Variants in ZNF705B observed in about 807,000 individuals in gnomAD.
ZNF705B encodes zinc finger protein 705B, also known as Putative zinc finger protein 705D-like protein LOC100132396.
A neutral mutation model predicts 10.5 loss-of-function variants in ZNF705B; 1 was observed. The ratio of observed to expected loss-of-function variants is 0.10; its 90% CI spans 0.03 to 0.45. ZNF705B has a LOEUF of 0.45. Among genes scored for constraint, ZNF705B ranks in the 20% least tolerant of loss-of-function variants. ZNF705B has a pLI of 0.97. For synonymous variants in ZNF705B, 4 were observed against 25.4 expected (o/e 0.16, Z 2.53); for missense variants, 14 against 84.0 (o/e 0.17, Z 3.26).
At chr8:7,928,985 A>G (rs1400807167) in intron 1 of ZNF705B, among the ~76,000 whole-genome samples, 1 of 117,328 alleles carries the variant, frequency 8.5e-6, no homozygotes, top group African/African-American at 2.5e-5. Context: ...CCTATTAGGT[A>G]CAATGTACTC....
intron 2 of ZNF705B, among the ~76,000 whole-genome samples, chr8:7,931,094 C>T (rs1386576533): frequency 8.3e-6 from 1 of 120,056 alleles, no homozygotes; most frequent in African/African-American, 2.5e-5. Context: ...CTCGGGTGAT[C>T]TGCCCCCCTC....
At chr8:7,932,812 A>G (rs1369898845) in intron 2 of ZNF705B, among the ~76,000 whole-genome samples, 1 of 109,034 alleles carries the variant, frequency 9.2e-6, no homozygotes, top group South Asian at 3.5e-4. Context: ...ATACTCTTTC[A>G]ATGACCAAGG....
rs1256996507 is a variant in ZNF705B at position 7,931,087 on chromosome 8, G to T, written c.-72+651G>T. 2.5e-5 allele frequency among the ~76,000 whole-genome samples: 3 copies of T among 119,844 alleles called. 1 individual carries two copies. In the South Asian group the frequency reaches 8.4e-4, roughly 34 times the overall value. 78.6% of individuals were successfully genotyped at this position (119,844 alleles called of 152,430 possible). A position where few individuals can be genotyped will look rare whatever the true frequency, so the allele number is the denominator to read the frequency against. ...AGGCTGGTCTTGAACTCCCGACCTC[G>T]GGTGATCTGCCCCCCTCAGCCTTCC... On this transcript the variant is annotated intron_variant, in intron 2 of 6. Coordinates refer to ENST00000400120, the MANE Select transcript of ZNF705B (RefSeq NM_001193630.1).
At chr8:7,927,588 AT>A (rs11309300) in intron 1 of ZNF705B, among the ~76,000 whole-genome samples, 36,710 of 107,180 alleles carry the variant, frequency 0.34, 6,373 homozygotes, top group South Asian at 0.51. Flanking sequence ...TCTTCCTAAG[AT>A]TTTTTTTTTT....
chr8:7,931,396 G>A (rs4428690), intron 2 of ZNF705B, among the ~76,000 whole-genome samples: 1 of 121,712 alleles, frequency 8.2e-6, no homozygotes, highest in Non-Finnish European at 2.0e-5. Flanking sequence ...CCTATCCTTA[G>A]GCTCTCAGGA....
chr8:7,936,448 G>A lies in ZNF705B; in HGVS notation c.-72+6012G>A, dbSNP rs1820017037. Among the ~76,000 whole-genome samples, 3 of 117,874 alleles carry A rather than the reference G, an allele frequency of 2.5e-5. 1 individual carries two copies. Among genetic ancestry groups the A allele is most frequent in the African/African-American group, 7.7e-5 (3 of 38,830 alleles). 77.3% of individuals were successfully genotyped at this position (117,874 alleles called of 152,430 possible). Reference sequence around the variant, plus strand: ...TATGTTCATCACAGTGGTATTCACAGTAGCAAAGGTATGGAATCAAACTAG... The same window carrying A: ...TATGTTCATCACAGTGGTATTCACAATAGCAAAGGTATGGAATCAAACTAG... On this transcript the variant is annotated intron_variant, in intron 2 of 6. Coordinates refer to ENST00000400120, the MANE Select transcript of ZNF705B (RefSeq NM_001193630.1).
chr8:7,926,846 A>G (rs1253058839), intron 1 of ZNF705B, among the ~76,000 whole-genome samples: 1 of 115,400 alleles, frequency 8.7e-6, no homozygotes, highest in Non-Finnish European at 2.1e-5. Flanking sequence ...CTCACTAGAG[A>G]TGTGTTCCTT....
At chr8:7,932,549 G>T (rs1047271747) in intron 2 of ZNF705B, among the ~76,000 whole-genome samples, 16 of 121,352 alleles carry the variant, frequency 1.3e-4, no homozygotes, top group African/African-American at 4.0e-4. Context: ...AGAAGTAAAT[G>T]TTATATAGTG....
chr8:7,930,100 A>G (rs1042737146), intron 1 of ZNF705B, among the ~76,000 whole-genome samples, 187 bp from the exon 2 acceptor site: 1 of 110,302 alleles, frequency 9.1e-6, no homozygotes, highest in African/African-American at 2.7e-5. Flanking sequence ...TACTGAACAT[A>G]GTACCAGATA....
chr8:7,950,290 T>C (rs183197473), intron 5 of ZNF705B, among the ~76,000 whole-genome samples, 162 bp downstream of exon 5: 648 of 12,838 alleles, frequency 0.05, 241 homozygotes, highest in Middle Eastern at 0.2. Context: ...GTTTTGTTCA[T>C]GTGTCAGATG....
At chr8:7,929,099 G>A (rs1819774057) in intron 1 of ZNF705B, among the ~76,000 whole-genome samples, 1 of 121,532 alleles carries the variant, frequency 8.2e-6, no homozygotes, top group Admixed American at 9.3e-5. Context: ...AATTTGAAAA[G>A]AAGAGAGAGA....
At chr8:7,940,408 C>T (rs1236973036) in intron 2 of ZNF705B, among the ~76,000 whole-genome samples, 2 of 137,306 alleles carry the variant, frequency 1.5e-5, no homozygotes, top group African/African-American at 5.2e-5. Context: ...CCTAAGTCCC[C>T]TCCCCTTTAT....
intron 2 of ZNF705B, among the ~76,000 whole-genome samples, chr8:7,935,519 T>TC (rs1554594885): frequency 1.0e-3 from 119 of 115,040 alleles, no homozygotes; most frequent in Middle Eastern, 4.6e-3. Flanking sequence ...CTTTTTTTTT[T>TC]CTATTCTGGA....
intron 1 of ZNF705B, among the ~76,000 whole-genome samples, chr8:7,928,995 C>T (rs2128941100): frequency 8.5e-6 from 1 of 118,102 alleles, no homozygotes; most frequent in Admixed American, 1.0e-4. Context: ...ACAATGTACT[C>T]TACTCAGGTG....
chr8:7,931,673 G>A lies in ZNF705B; in HGVS notation c.-72+1237G>A, dbSNP rs947233294. 3.9e-5 allele frequency among the ~76,000 whole-genome samples: 5 copies of A among 126,840 alleles called. No homozygotes were observed. In the East Asian group the frequency reaches 6.9e-4, roughly 17 times the overall value. The allele number at this position is 126,840 out of a possible 152,430, so 83.2% of individuals were successfully genotyped here. ...CAGGTGAGTCCCCAGGTCCCCTGAG[G>A]ATGCCTGCAGGTGTGCAGTGGCCCT... On this transcript the variant is annotated intron_variant, in intron 2 of 6. Coordinates refer to ENST00000400120, the MANE Select transcript of ZNF705B (RefSeq NM_001193630.1).
At chr8:7,933,929 C>CTTTTTTTTTTTTTTTTTTTTTTT (rs1162997944) in intron 2 of ZNF705B, among the ~76,000 whole-genome samples, 2 of 29,366 alleles carry the variant, frequency 6.8e-5, no homozygotes, top group African/African-American at 1.6e-4. Flanking sequence ...GTAATATAAA[C>CTTTTTTTTTTTTTTTTTTTTTTT]TTTTTTTTTT....
intron 1 of ZNF705B, 130 bp downstream of exon 1, chr8:7,926,527 T>G (rs1819691068): frequency 8.9e-6 from 1 of 112,922 alleles, no homozygotes; most frequent in Admixed American, 1.0e-4. Flanking sequence ...TACTTTCTAG[T>G]GGTATTATTA....
intron 2 of ZNF705B, among the ~76,000 whole-genome samples, chr8:7,944,745 C>T (rs1306668135): frequency 5.6e-5 from 5 of 89,228 alleles, no homozygotes; most frequent in African/African-American, 1.8e-4. Flanking sequence ...CGGAGACTGG[C>T]GGATCACCTG....
At chr8:7,940,387 T>C (rs1260423886) in intron 2 of ZNF705B, among the ~76,000 whole-genome samples, 4 of 141,668 alleles carry the variant, frequency 2.8e-5, no homozygotes, top group South Asian at 2.4e-4. Flanking sequence ...TATAACCATA[T>C]CCTTCACCTC....
Sources: gnomAD v4.1 joint callset for allele counts (sites outside exome capture counted in the v4.1 genomes callset) on GRCh38, gnomAD v4.1.1 for gene constraint, MANE v1.5 for transcripts, NCBI Gene and HGNC (gene_info 2026-07-23, HGNC 2026-07-21) for gene names.